The following RYR2 variants were observed in gnomAD, a reference collection of about 807,000 sequenced individuals.
RYR2 encodes cardiac muscle ryanodine receptor-calcium release channel.
A neutral mutation model predicts 601.1 loss-of-function variants in RYR2; 227 were observed. That is an observed-to-expected ratio of 0.38 (90% CI 0.34 to 0.42). The LOEUF is 0.42. Among genes scored for constraint, RYR2 ranks in the 10% least tolerant of loss-of-function variants. RYR2 has a pLI of 1.00. For synonymous variants in RYR2, 2,223 were observed against 2,175.1 expected (o/e 1.02, Z -0.61); for missense variants, 4,646 against 6,156.5 (o/e 0.75, Z 8.21).
Position 237,757,888 on chromosome 1 carries a change from T to C in RYR2, c.11325+112T>C, listed in dbSNP as rs200367637. The stretch of plus-strand genomic sequence containing the variant: ...TTCTATGTACAATATGGCTCAATTT[T>C]AGTTTACCACAGTACTGAAGAGAGA... On this transcript the variant is annotated intron_variant, in intron 82 of 104. Coordinates refer to ENST00000366574, the MANE Select transcript of RYR2 (RefSeq NM_001035.3). 7.3e-5 allele frequency: 49 copies of C among 673,894 alleles called. No homozygotes were observed. The East Asian group carries it at 1.3e-3, about 18-fold the overall frequency. The allele number at this position is 673,894 out of a possible 1,614,324, so 41.7% of individuals were successfully genotyped here. A position where few individuals can be genotyped will look rare whatever the true frequency, so the allele number is the denominator to read the frequency against.
At position 237,676,994 on chromosome 1, in the gene RYR2, A is replaced by C. The variant is rs6659467; in HGVS notation, c.8831-1054A>C. ...GTGCTTAAGAGAGATTCAAATGCCA[A>C]AGTGCCATGCAAATGAAATTTGCAA... On this transcript the variant is annotated intron_variant, in intron 60 of 104. Coordinates refer to ENST00000366574, the MANE Select transcript of RYR2 (RefSeq NM_001035.3). Among the ~76,000 whole-genome samples the C allele has an allele frequency of 8.3e-4, 126 of 152,284 alleles. 1 individual carries two copies. The highest frequency in any genetic ancestry group is 2.8e-3 in the African/African-American group (117 of 41,574).
In RYR2 at chr1:237,831,408, T is replaced by C; in HGVS notation, c.14757-106T>C. Reference sequence around the variant, plus strand: ...AAAAATTTGCATGTGGCGTTTTCTCTGTGCTGGCCATAATTGATTGCAACC... The same window carrying C: ...AAAAATTTGCATGTGGCGTTTTCTCCGTGCTGGCCATAATTGATTGCAACC... On this transcript the variant is annotated intron_variant, in intron 103 of 104. Coordinates refer to ENST00000366574, the MANE Select transcript of RYR2 (RefSeq NM_001035.3). 5 of 647,026 alleles carry C rather than the reference T, an allele frequency of 7.7e-6. No homozygotes were observed. In the South Asian group the frequency reaches 1.0e-4, roughly 13 times the overall value. 40.1% of individuals were successfully genotyped at this position (647,026 alleles called of 1,614,324 possible).
At chr1:237,762,700 A>C (rs1317262986) in intron 84 of RYR2, among the ~76,000 whole-genome samples, 1 of 152,236 alleles carries the variant, frequency 6.6e-6, no homozygotes, top group African/African-American at 2.4e-5. Context: ...AATTCTTTAT[A>C]TCTCTCAAAA....
In RYR2 at chr1:237,321,111, T is replaced by G. The variant is rs532383126; in HGVS notation, c.169-9767T>G. Among the ~76,000 whole-genome samples, 6 of 152,268 alleles carry G rather than the reference T, an allele frequency of 3.9e-5. No homozygotes were observed. The South Asian group carries it at 1.2e-3, about 32-fold the overall frequency. ...TAAGCAGATAGGTCTTTTAATAGTT[T>G]CTGGCTTAGGGCATGTCACTCAGTT... On this transcript the variant is annotated intron_variant, in intron 2 of 104. Transcript: ENST00000366574.
intron 10 of RYR2, among the ~76,000 whole-genome samples, chr1:237,401,111 C>A (rs1228807620): frequency 6.6e-6 from 1 of 152,108 alleles, no homozygotes; most frequent in Non-Finnish European, 1.5e-5. Context: ...TACTATGGCC[C>A]TCGTCTGTCA....
chr1:237,711,919 G>A (rs762364622), intron 71 of RYR2, 82 bp downstream of exon 71: 169 of 712,354 alleles, frequency 2.4e-4, no homozygotes, highest in Non-Finnish European at 3.6e-4. Flanking sequence ...TTAGATTTTC[G>A]AAGATTTGTA....
Position 237,730,253 on chromosome 1 carries a change from C to T in RYR2, c.10839-7C>T, listed in dbSNP as rs1385050293. 4 of 1,563,970 alleles carry T rather than the reference C, an allele frequency of 2.6e-6. No homozygotes were observed. Among genetic ancestry groups the T allele is most frequent in the Non-Finnish European group, 3.5e-6 (4 of 1,134,764 alleles). On this transcript the variant is annotated splice_polypyrimidine_tract_variant and splice_region_variant and intron_variant, in intron 76 of 104. Transcript: ENST00000366574. Reference sequence around the variant, plus strand: ...ACCCTTTTTCTGAAATTGTGCTTACCTTTCAGGCATCGGGCTGTCAATCTC... The same window carrying T: ...ACCCTTTTTCTGAAATTGTGCTTACTTTTCAGGCATCGGGCTGTCAATCTC...
In RYR2 at chr1:237,717,183, C is replaced by G; in HGVS notation, c.10324-15C>G. 1 of 1,612,164 alleles carries G rather than the reference C, an allele frequency of 6.2e-7. No individual in the cohort carries two copies. On this transcript the variant is annotated splice_polypyrimidine_tract_variant and intron_variant, in intron 71 of 104. Transcript: ENST00000366574. ...AAAGCAGGTTCAGATCCCAGCACTT[C>G]TCTTTGTTCCATAGGCAGCTGTTTC...
chr1:237,621,220 T>C (rs922343866), intron 38 of RYR2, among the ~76,000 whole-genome samples: 1 of 152,014 alleles, frequency 6.6e-6, no homozygotes, highest in Non-Finnish European at 1.5e-5. Context: ...TAAAAGAAAT[T>C]GGACACATCA....
chr1:237,101,286 A>G (rs1252508718), intron 1 of RYR2, among the ~76,000 whole-genome samples: 1 of 128,474 alleles, frequency 7.8e-6, no homozygotes, highest in Non-Finnish European at 1.6e-5. Context: ...TTCAGTCACT[A>G]CTTTTTAGAA....
chr1:237,594,869 G>GTGGTTAAT (rs1253178011), intron 33 of RYR2, among the ~76,000 whole-genome samples: 7 of 119,530 alleles, frequency 5.9e-5, no homozygotes, highest in Non-Finnish European at 9.9e-5. Flanking sequence ...GGTGGCATTT[G>GTGGTTAAT]TGGTTAATAT....
rs1444699688 is a variant in RYR2 at position 237,689,363 on chromosome 1, C to T, written c.9067+1859C>T. On this transcript the variant is annotated intron_variant, in intron 63 of 104. Transcript: ENST00000366574. Reference sequence around the variant, plus strand: ...AAGCCAAGACATAGAACGTTTCCAACATGCCAGGAGCCTCCCCTGTGTCAT... The same window carrying T: ...AAGCCAAGACATAGAACGTTTCCAATATGCCAGGAGCCTCCCCTGTGTCAT... 3.3e-5 allele frequency among the ~76,000 whole-genome samples: 5 copies of T among 152,340 alleles called. No individual in the cohort carries two copies. The East Asian group carries it at 5.8e-4, about 18-fold the overall frequency.
chr1:237,051,805 C>T (rs1018269634), intron 1 of RYR2, among the ~76,000 whole-genome samples: 3 of 152,154 alleles, frequency 2.0e-5, no homozygotes, highest in Non-Finnish European at 4.4e-5. Flanking sequence ...GCGACAGTTT[C>T]AGACCTGGGC....
intron 1 of RYR2, among the ~76,000 whole-genome samples, chr1:237,247,442 C>T (rs1420388557): frequency 6.6e-6 from 1 of 152,160 alleles, no homozygotes; most frequent in Non-Finnish European, 1.5e-5. Flanking sequence ...GAGGCAGTTA[C>T]AGTAACTATA....
intron 2 of RYR2, among the ~76,000 whole-genome samples, chr1:237,280,706 T>G (rs1690762553): frequency 6.6e-6 from 1 of 152,004 alleles, no homozygotes; most frequent in South Asian, 2.1e-4. Flanking sequence ...CTTGGCAGAT[T>G]GTTGAATTGG....
intron 38 of RYR2, among the ~76,000 whole-genome samples, chr1:237,623,455 A>G (rs1679311871): frequency 7.1e-6 from 1 of 141,254 alleles, no homozygotes; most frequent in African/African-American, 2.7e-5. Context: ...GTGTAGTGGC[A>G]CAATCTCGGC....
intron 1 of RYR2, among the ~76,000 whole-genome samples, chr1:237,114,672 A>C (rs574515430): frequency 6.6e-6 from 1 of 152,308 alleles, no homozygotes; most frequent in East Asian, 1.9e-4. Flanking sequence ...ATTTAGGAAA[A>C]TAATGGGGGA....
intron 1 of RYR2, among the ~76,000 whole-genome samples, chr1:237,237,837 G>A (rs1344365511): frequency 6.6e-6 from 1 of 151,646 alleles, no homozygotes; most frequent in East Asian, 1.9e-4. Flanking sequence ...CTACCTGGAG[G>A]CTTCATCTGC....
intron 13 of RYR2, among the ~76,000 whole-genome samples, chr1:237,444,586 C>A (rs940987348): frequency 2.6e-5 from 4 of 152,148 alleles, no homozygotes; most frequent in East Asian, 3.9e-4. Context: ...CACAACTGAT[C>A]TGTGCTGTCA....
Sources: allele counts gnomAD v4.1 joint callset (sites outside exome capture counted in the v4.1 genomes callset), GRCh38; gene constraint gnomAD v4.1.1; transcripts MANE v1.5; gene names NCBI Gene and HGNC (gene_info 2026-07-23, HGNC 2026-07-21).